Variants in MLIP observed in about 807,000 individuals in gnomAD.
MLIP encodes the protein muscular LMNA interacting protein.
Under a neutral mutation model 84.8 loss-of-function variants are expected in MLIP, and 79 were observed. The observed-to-expected ratio is 0.93, with a 90% CI of 0.78 to 1.12. The LOEUF (loss-of-function observed/expected upper bound fraction) is 1.12, where lower values mean the gene tolerates loss of function less well. Among genes scored for constraint, MLIP ranks in the 50% most tolerant of loss-of-function variants. The pLI, the probability that MLIP is intolerant of heterozygous loss-of-function variation, is 0.00. For missense variants in MLIP, 1,257 were observed against 1,160.6 expected (o/e 1.08, Z -1.21); for synonymous variants, 504 against 463.0 (o/e 1.09, Z -1.14).
intron 11 of MLIP, among the ~76,000 whole-genome samples, chr6:54,226,843 A>C (rs1780609704): frequency 6.6e-6 from 1 of 152,238 alleles, no homozygotes; most frequent in Admixed American, 6.5e-5. Flanking sequence ...AAAGAATGCA[A>C]TATAAAAGTT....
chr6:54,245,432 G>T (rs1782012302), intron 12 of MLIP, among the ~76,000 whole-genome samples: 1 of 152,136 alleles, frequency 6.6e-6, no homozygotes, highest in African/African-American at 2.4e-5. Flanking sequence ...TTACCAGTCA[G>T]CCATTGGCTG....
At chr6:54,168,181 T>C (rs1437364171) in intron 8 of MLIP, among the ~76,000 whole-genome samples, 1 of 151,918 alleles carries the variant, frequency 6.6e-6, no homozygotes, top group African/African-American at 2.4e-5. Flanking sequence ...AAATCCACCT[T>C]AGAAACTTTG....
At chr6:54,209,207 T>A (rs1282244079) in intron 11 of MLIP, among the ~76,000 whole-genome samples, 1 of 152,174 alleles carries the variant, frequency 6.6e-6, no homozygotes, top group Non-Finnish European at 1.5e-5. Context: ...GAAGATGAGT[T>A]ACATGAAGAT....
At chr6:54,055,129 G>C (rs537661946) in intron 1 of MLIP, among the ~76,000 whole-genome samples, 1 of 152,008 alleles carries the variant, frequency 6.6e-6, no homozygotes, top group Non-Finnish European at 1.5e-5. Context: ...CTCGTGATCC[G>C]CCTGTCTCGG....
At chr6:54,202,286 TA>T (rs1778741697) in intron 11 of MLIP, 53 bp downstream of exon 11, 1 of 823,412 alleles carries the variant, frequency 1.2e-6, no homozygotes, top group Non-Finnish European at 1.5e-6. Context: ...TAAATATATA[TA>T]AAATATATAT....
chr6:54,160,313 A>G lies in MLIP; in HGVS notation c.2290-54A>G, dbSNP rs1561997682. 9 of 1,403,880 alleles carry G rather than the reference A, an allele frequency of 6.4e-6. No homozygotes were observed. In the East Asian group the frequency reaches 7.0e-5, roughly 11 times the overall value. The allele number at this position is 1,403,880 out of a possible 1,614,324, so 87.0% of individuals were successfully genotyped here. A position where few individuals can be genotyped will look rare whatever the true frequency, so the allele number is the denominator to read the frequency against. Reference sequence around the variant, plus strand: ...AGGCTTTCTTTGAAGATACTTTTCTACTCCAGTTGTATGACTAGAAGCCTC... The same window carrying G: ...AGGCTTTCTTTGAAGATACTTTTCTGCTCCAGTTGTATGACTAGAAGCCTC... On this transcript the variant is annotated intron_variant, in intron 5 of 13. Transcript: ENST00000502396.
chr6:54,247,447 C>T (rs932005474), intron 12 of MLIP, among the ~76,000 whole-genome samples: 1 of 152,054 alleles, frequency 6.6e-6, no homozygotes, highest in African/African-American at 2.4e-5. Context: ...TCAGGAATGG[C>T]CACAATCTAA....
chr6:54,247,422 A>G (rs913403179), intron 12 of MLIP, among the ~76,000 whole-genome samples: 5 of 152,056 alleles, frequency 3.3e-5, no homozygotes, highest in African/African-American at 1.2e-4. Context: ...AAGATTTTAG[A>G]CTCCATCAGT....
intron 11 of MLIP, among the ~76,000 whole-genome samples, chr6:54,213,855 G>A (rs1779665910): frequency 6.6e-6 from 1 of 151,738 alleles, no homozygotes; most frequent in East Asian, 1.9e-4. Flanking sequence ...ATTAGCTGAT[G>A]TTTGTATGCA....
chr6:54,048,625 AAAACG>A (rs1254293513), intron 1 of MLIP, among the ~76,000 whole-genome samples: 1 of 152,180 alleles, frequency 6.6e-6, no homozygotes, highest in East Asian at 1.9e-4. Context: ...GGGAGGAGCT[AAAACG>A]AATGTTCAAG....
At chr6:54,223,345 CT>C (rs1380617285) in intron 11 of MLIP, among the ~76,000 whole-genome samples, 1 of 151,532 alleles carries the variant, frequency 6.6e-6, no homozygotes, top group Non-Finnish European at 1.5e-5. Flanking sequence ...CAAGCAGAAG[CT>C]TTTTTTCTTG....
At chr6:54,152,694 T>C (rs1043950915) in intron 5 of MLIP, among the ~76,000 whole-genome samples, 11 of 152,144 alleles carry the variant, frequency 7.2e-5, no homozygotes, top group Non-Finnish European at 1.6e-4. Context: ...GTGATATATC[T>C]TGATGTGTAC....
rs182559210 is a variant in MLIP, at chr6:54,083,576, C to T, written c.64-37871C>T. 465 of 1,535,974 alleles carry T rather than the reference C, an allele frequency of 3.0e-4. 1 individual carries two copies. The highest frequency in any genetic ancestry group is 2.7e-3 in the South Asian group (231 of 84,058). On this transcript the variant is annotated intron_variant, in intron 1 of 12. Transcript: ENST00000274897. ...CATCTGCTAGTTTGACACGTGGCAC[C>T]GGATTCCATGTGCAGCTGGTACCTT...
intron 11 of MLIP, chr6:54,217,016 T>G: frequency 1.0e-6 from 1 of 985,434 alleles, no homozygotes; most frequent in Non-Finnish European, 1.2e-6. Flanking sequence ...GATTTTAAAC[T>G]GCTGTAAGTT....
At chr6:54,184,228 G>A (rs572847146) in intron 9 of MLIP, among the ~76,000 whole-genome samples, 3 of 152,006 alleles carry the variant, frequency 2.0e-5, no homozygotes, top group Non-Finnish European at 2.9e-5. Context: ...AGTCAACAGA[G>A]AAAAAGGGAA....
At chr6:54,062,084 A>G (rs1339574123) in intron 1 of MLIP, among the ~76,000 whole-genome samples, 1 of 152,224 alleles carries the variant, frequency 6.6e-6, no homozygotes, top group Non-Finnish European at 1.5e-5. Flanking sequence ...GTGATAAAAA[A>G]GGTAATAGCA....
intron 9 of MLIP, among the ~76,000 whole-genome samples, chr6:54,185,334 C>T (rs1777282370): frequency 1.3e-5 from 2 of 152,148 alleles, no homozygotes; most frequent in Admixed American, 1.3e-4. Context: ...TTGTGGTTTA[C>T]ATTTAATTTT....
intron 1 of MLIP, among the ~76,000 whole-genome samples, chr6:54,060,560 C>G (rs766686002): frequency 2.6e-5 from 4 of 152,152 alleles, no homozygotes; most frequent in Non-Finnish European, 4.4e-5. Context: ...TGCATTCTGA[C>G]GTGAACCACA....
chr6:54,189,803 C>A, intron 9 of MLIP, 67 bp from the exon 10 acceptor site: 2 of 1,227,534 alleles, frequency 1.6e-6, no homozygotes, highest in Non-Finnish European at 1.2e-6. Flanking sequence ...CTTCAAAATA[C>A]TTAAACACAT....
Sources: gnomAD v4.1 joint callset for allele counts (sites outside exome capture counted in the v4.1 genomes callset) on GRCh38, gnomAD v4.1.1 for gene constraint, MANE v1.5 for transcripts, NCBI Gene and HGNC (gene_info 2026-07-23, HGNC 2026-07-21) for gene names.